The following EIF2AK4 variants were observed in gnomAD, a reference collection of about 807,000 sequenced individuals.
EIF2AK4 encodes eukaryotic translation initiation factor 2 alpha kinase 4, also known as eIF-2-alpha kinase GCN2.
EIF2AK4 carries 139 observed loss-of-function variants against 211.1 expected under a neutral mutation model. The observed-to-expected ratio is 0.66, with a 90% CI of 0.57 to 0.76. EIF2AK4 has a LOEUF of 0.76. Among genes scored for constraint, EIF2AK4 ranks in the 30% least tolerant of loss-of-function variants. The pLI, the probability that EIF2AK4 is intolerant of heterozygous loss-of-function variation, is 0.00. For synonymous variants in EIF2AK4, 710 were observed against 751.3 expected (o/e 0.94, Z 0.90); for missense variants, 1,664 against 2,043.8 (o/e 0.81, Z 3.58).
At chr15:40,013,351 G>T (rs2035262332) in intron 27 of EIF2AK4, among the ~76,000 whole-genome samples, 1 of 151,980 alleles carries the variant, frequency 6.6e-6, no homozygotes, top group Admixed American at 6.5e-5. Context: ...ATTGCATCCA[G>T]CCAAAATTTT....
chr15:39,944,117 A>G (rs796812746), intron 3 of EIF2AK4, among the ~76,000 whole-genome samples: 7 of 152,280 alleles, frequency 4.6e-5, no homozygotes, highest in African/African-American at 1.4e-4. Context: ...TTTGCATATC[A>G]GAGGAATTTG....
intron 9 of EIF2AK4, among the ~76,000 whole-genome samples, chr15:39,970,755 A>G (rs2034612598): frequency 6.6e-6 from 1 of 152,208 alleles, no homozygotes; most frequent in African/African-American, 2.4e-5. Context: ...GGTTGGTCAA[A>G]GGCTTTATCA....
In EIF2AK4 at chr15:40,035,108, C is replaced by A; in HGVS notation, c.*24C>A. 1 of 1,496,800 alleles carries A rather than the reference C, an allele frequency of 6.7e-7. No individual in the cohort carries two copies. The highest frequency in any genetic ancestry group is 9.1e-7 in the Non-Finnish European group (1 of 1,101,716). 92.7% of individuals were successfully genotyped at this position (1,496,800 alleles called of 1,614,324 possible). On this transcript the variant is annotated 3_prime_UTR_variant, in exon 39 of 39. Transcript: ENST00000263791. Reference sequence around the variant, plus strand: ...AACCCTAAAGAACTGTCGTTAACCTCATTCAAACAGACAGAGGCTTATACT... The same window carrying A: ...AACCCTAAAGAACTGTCGTTAACCTAATTCAAACAGACAGAGGCTTATACT...
At chr15:39,954,668 G>A (rs990836781) in intron 5 of EIF2AK4, among the ~76,000 whole-genome samples, 1 of 152,210 alleles carries the variant, frequency 6.6e-6, no homozygotes, top group Non-Finnish European at 1.5e-5. Flanking sequence ...ATTCAACAGA[G>A]CAGATTTAAA....
In EIF2AK4 at chr15:40,002,797, GC is replaced by G; in HGVS notation, c.3235+12del. ...CATCTTTAAAAGACATGGTATGTAC[GC>G]CCTTTTTAAAAATGATATTTCTTCT... On this transcript the variant is annotated intron_variant, in intron 22 of 38. Transcript: ENST00000263791. 6.2e-7 allele frequency: 1 copy of G among 1,613,700 alleles called. No homozygotes were observed.
At chr15:39,958,213 A>G (rs2034418497) in intron 6 of EIF2AK4, among the ~76,000 whole-genome samples, 1 of 152,238 alleles carries the variant, frequency 6.6e-6, no homozygotes, top group Non-Finnish European at 1.5e-5. Flanking sequence ...GGCAATATGA[A>G]TTTTGTAGAA....
chr15:39,952,211 A>T (rs1426960478), intron 4 of EIF2AK4, among the ~76,000 whole-genome samples: 2 of 152,144 alleles, frequency 1.3e-5, no homozygotes, highest in Non-Finnish European at 2.9e-5. Flanking sequence ...ATATCTTCAC[A>T]GTATTTAGAC....
chr15:39,998,835 AT>A (rs2035056413), intron 20 of EIF2AK4, 51 bp downstream of exon 20: 1 of 1,446,582 alleles, frequency 6.9e-7, no homozygotes, highest in Non-Finnish European at 9.5e-7. Context: ...CATTTTAATT[AT>A]TATTTTTCTT....
chr15:40,029,521 C>CT, intron 34 of EIF2AK4, 57 bp downstream of exon 34: 1 of 1,528,626 alleles, frequency 6.5e-7, no homozygotes, highest in Non-Finnish European at 8.9e-7. Flanking sequence ...GCTCTAAGCA[C>CT]TTATTACTGT....
At chr15:40,000,731 AT>A (rs200523187) in intron 20 of EIF2AK4, among the ~76,000 whole-genome samples, 1 of 151,850 alleles carries the variant, frequency 6.6e-6, no homozygotes, top group Admixed American at 6.6e-5. Flanking sequence ...TGTTGATTTG[AT>A]TTTTTTTGGT....
In EIF2AK4 at chr15:40,008,242, T is replaced by G. The variant is rs2279579; in HGVS notation, c.3576+47T>G. On this transcript the variant is annotated intron_variant, in intron 25 of 38. Transcript: ENST00000263791. ...TTCCAAGATTCCCCACTATATTTCTTCACCAAGTGTGGTGGGGAAAACCAC... is the reference window on the plus strand; with the variant it reads ...TTCCAAGATTCCCCACTATATTTCTGCACCAAGTGTGGTGGGGAAAACCAC... 0.35 allele frequency: 529,409 copies of G among 1,510,974 alleles called. 94,030 individuals are homozygous for G. Among genetic ancestry groups the G allele is most frequent in the Middle Eastern group, 0.42 (2,362 of 5,690 alleles). 93.6% of individuals were successfully genotyped at this position (1,510,974 alleles called of 1,614,324 possible).
At position 39,963,791 on chromosome 15, in the gene EIF2AK4, A is replaced by C. The variant is rs575028788; in HGVS notation, c.859+1892A>C. ...TTTTGTCCCTTTTATTATTCCCATC[A>C]TGAAAAACTGACAAGAAGAGTCTGG... On this transcript the variant is annotated intron_variant, in intron 7 of 38. Coordinates refer to ENST00000263791, the MANE Select transcript of EIF2AK4 (RefSeq NM_001013703.4). Among the ~76,000 whole-genome samples, 3 of 152,144 alleles carry C rather than the reference A, an allele frequency of 2.0e-5. No individual in the cohort carries two copies. In the South Asian group the frequency reaches 6.2e-4, roughly 31 times the overall value.
Position 39,990,530 on chromosome 15 carries a change from T to C in EIF2AK4, c.2631+153T>C, listed in dbSNP as rs568171064. On this transcript the variant is annotated intron_variant, in intron 16 of 38. Transcript: ENST00000263791. ...ACCTGAAGGGGTATGCTGCAAATGATCTTGTAGGCTTTGCAATTGTGAGTA... is the reference window on the plus strand; with the variant it reads ...ACCTGAAGGGGTATGCTGCAAATGACCTTGTAGGCTTTGCAATTGTGAGTA... 7.2e-5 allele frequency among the ~76,000 whole-genome samples: 11 copies of C among 152,336 alleles called. No homozygotes were observed. The East Asian group carries it at 2.1e-3, about 29-fold the overall frequency.
rs766693559 is a variant in EIF2AK4, at chr15:39,988,085, T to C, written c.2506T>C (p.Leu836=). 6.2e-7 allele frequency: 1 copy of C among 1,614,140 alleles called. No individual in the cohort carries two copies. The highest frequency in any genetic ancestry group is 8.5e-7 in the Non-Finnish European group (1 of 1,180,000). ...WRLFREILDG[L]AYIHEKGMIH... ...GCTTTTTCGAGAGATTCTGGATGGATTAGCTTATATCCATGAGAAAGTAAA... is the reference window on the plus strand; with the variant it reads ...GCTTTTTCGAGAGATTCTGGATGGACTAGCTTATATCCATGAGAAAGTAAA... Residue 836 remains leucine (L), a synonymous_variant, in exon 15 of 39, where the codon TTA becomes CTA. Transcript: ENST00000263791.
rs191064744 is a variant in EIF2AK4, at chr15:39,953,948, A to G, written c.558A>G (p.Ile186Met). The G allele has an allele frequency of 1.3e-4, 206 of 1,607,886 alleles. No individual in the cohort carries two copies. The African/African-American group carries it at 2.3e-3, about 18-fold the overall frequency. ...AGATTCAGAGAAGGAAAGAAGAGAT[A>G]AAAGAAGAGAAAAAAAGGAAAGAAA... Reference protein sequence around the residue: ...LHEIQRRKEEIKEEKKRKEMA... With the variant: ...LHEIQRRKEEMKEEKKRKEMA... The change falls in exon 5 of 39, where the codon ATA (isoleucine) becomes ATG (methionine). Residue 186 changes from isoleucine (I) to methionine (M), a missense_variant. By Grantham distance (10) the Ile-to-Met change is conservative (BLOSUM62 1). Coordinates refer to ENST00000263791, the MANE Select transcript of EIF2AK4 (RefSeq NM_001013703.4).
chr15:40,023,027 G>A (rs760243808), intron 32 of EIF2AK4, among the ~76,000 whole-genome samples: 50 of 152,104 alleles, frequency 3.3e-4, no homozygotes, highest in Non-Finnish European at 5.9e-4. Flanking sequence ...GCGCCCGGCC[G>A]TTGTTGGGTT....
intron 7 of EIF2AK4, among the ~76,000 whole-genome samples, chr15:39,964,823 T>TG (rs1363423837): frequency 2.0e-5 from 3 of 152,228 alleles, no homozygotes; most frequent in Non-Finnish European, 4.4e-5. Context: ...ATTTTCTAGC[T>TG]TCAAATCTAA....
chr15:39,947,316 T>C (rs1419922895), intron 3 of EIF2AK4, among the ~76,000 whole-genome samples: 1 of 152,216 alleles, frequency 6.6e-6, no homozygotes, highest in Non-Finnish European at 1.5e-5. Context: ...TCACTGATAC[T>C]TGCCTTTTAA....
At chr15:39,953,436 G>A (rs1566983907) in intron 4 of EIF2AK4, among the ~76,000 whole-genome samples, 2 of 152,210 alleles carry the variant, frequency 1.3e-5, no homozygotes. Context: ...AGAATGGCAG[G>A]TAGGTATGGT....
Sources: gnomAD v4.1 joint callset for allele counts (sites outside exome capture counted in the v4.1 genomes callset) on GRCh38, gnomAD v4.1.1 for gene constraint, MANE v1.5 for transcripts, NCBI Gene and HGNC (gene_info 2026-07-23, HGNC 2026-07-21) for gene names.